TMEM178B: variants seen among roughly 807,000 people sequenced by gnomAD.
The protein encoded by TMEM178B is transmembrane protein 178B.
A neutral mutation model predicts 31.0 loss-of-function variants in TMEM178B; 5 were observed. That is an observed-to-expected ratio of 0.16 (90% CI 0.08 to 0.34). The LOEUF is 0.34. Among genes scored for constraint, TMEM178B ranks in the 10% least tolerant of loss-of-function variants. TMEM178B has a pLI of 1.00. For missense variants in TMEM178B, 275 were observed against 400.3 expected, an observed-to-expected ratio of 0.69 and a Z score of 2.67; for synonymous variants, 164 against 164.0, an observed-to-expected ratio of 1.00 and a Z score of 0.00.
chr7:141,260,727 A>G (rs1252690351), intron 2 of TMEM178B, among the ~76,000 whole-genome samples: 3 of 152,224 alleles, frequency 2.0e-5, no homozygotes, highest in African/African-American at 7.2e-5. Context: ...TAAGTAATTT[A>G]AAAAAACATT....
intron 2 of TMEM178B, among the ~76,000 whole-genome samples, chr7:141,223,405 T>C (rs1407769805): frequency 6.6e-6 from 1 of 152,094 alleles, no homozygotes; most frequent in Non-Finnish European, 1.5e-5. Context: ...TGGAAGGGCC[T>C]CTTCAGATGA....
chr7:141,368,421 A>C (rs990259672), intron 2 of TMEM178B, among the ~76,000 whole-genome samples: 1 of 152,270 alleles, frequency 6.6e-6, no homozygotes. Context: ...TATAAAGTGC[A>C]TAAAGTGTAT....
At chr7:141,306,051 G>A (rs148320805) in intron 2 of TMEM178B, among the ~76,000 whole-genome samples, 137 of 152,262 alleles carry the variant, frequency 9.0e-4, no homozygotes, top group Middle Eastern at 3.4e-3. Context: ...CGTAGCATCC[G>A]GCATGTGCTT....
chr7:141,123,633 G>T (rs1210341802), intron 1 of TMEM178B, among the ~76,000 whole-genome samples: 1 of 152,188 alleles, frequency 6.6e-6, no homozygotes, highest in African/African-American at 2.4e-5. Context: ...CATTGGTAGT[G>T]GGGGAGCTAG....
intron 3 of TMEM178B, among the ~76,000 whole-genome samples, chr7:141,445,650 A>G (rs1801740145): frequency 6.6e-6 from 1 of 152,216 alleles, no homozygotes; most frequent in Non-Finnish European, 1.5e-5. Flanking sequence ...GGGAGGGAGA[A>G]TATATTCAGT....
the TMEM178B span, among the ~76,000 whole-genome samples, chr7:141,504,265 C>A: frequency 1.3e-4 from 20 of 152,266 alleles, no homozygotes; most frequent in Admixed American, 1.3e-3. Flanking sequence ...ATATCAGAGG[C>A]AGACTTGTAT....
intron 2 of TMEM178B, among the ~76,000 whole-genome samples, chr7:141,387,005 G>A (rs1311335389): frequency 6.6e-6 from 1 of 152,188 alleles, no homozygotes; most frequent in Admixed American, 6.5e-5. Context: ...GAATCTGTGG[G>A]CTCTTCCAGG....
intron 3 of TMEM178B, among the ~76,000 whole-genome samples, chr7:141,462,927 G>A (rs1291255325): frequency 7.2e-5 from 11 of 152,062 alleles, no homozygotes; most frequent in Non-Finnish European, 1.5e-4. Flanking sequence ...AGCTTCAGGA[G>A]GGGACAGTCA....
At chr7:141,085,150 ATTTT>A (rs61516388) in intron 1 of TMEM178B, among the ~76,000 whole-genome samples, 12 of 74,536 alleles carry the variant, frequency 1.6e-4, no homozygotes, top group Admixed American at 1.3e-3. Flanking sequence ...GCTAATTTGT[ATTTT>A]TTTTTTTTTT....
chr7:141,234,737 A>C (rs555948632), intron 2 of TMEM178B, among the ~76,000 whole-genome samples: 1 of 152,204 alleles, frequency 6.6e-6, no homozygotes, highest in African/African-American at 2.4e-5. Flanking sequence ...TGCCATCTGC[A>C]CTCTCGTCTA....
chr7:141,295,329 G>T (rs1256944751), intron 2 of TMEM178B, among the ~76,000 whole-genome samples: 1 of 152,176 alleles, frequency 6.6e-6, no homozygotes, highest in Non-Finnish European at 1.5e-5. Context: ...GCAGAGAGGT[G>T]AGGAAAGAGG....
chr7:141,282,254 AC>A (rs1344574391), intron 2 of TMEM178B, among the ~76,000 whole-genome samples: 1 of 152,180 alleles, frequency 6.6e-6, no homozygotes, highest in Admixed American at 6.5e-5. Flanking sequence ...CCTGAAAAAT[AC>A]CCCTGGGTTT....
intron 1 of TMEM178B, among the ~76,000 whole-genome samples, chr7:141,203,556 G>A (rs1284910485): frequency 1.3e-5 from 2 of 152,204 alleles, no homozygotes; most frequent in Non-Finnish European, 2.9e-5. Context: ...CACTGTGGCT[G>A]CAAAAATAAC....
At chr7:141,410,121 T>G (rs1055417954) in intron 2 of TMEM178B, among the ~76,000 whole-genome samples, 2 of 152,208 alleles carry the variant, frequency 1.3e-5, no homozygotes, top group East Asian at 3.9e-4. Context: ...CCTGGAAAAT[T>G]TCCCGATTTC....
chr7:141,373,520 T>C (rs959086815), intron 2 of TMEM178B, among the ~76,000 whole-genome samples: 1 of 152,084 alleles, frequency 6.6e-6, no homozygotes, highest in African/African-American at 2.4e-5. Flanking sequence ...CTGCTCAGAG[T>C]GGGAGGGTGA....
chr7:141,400,066 A>G (rs1014734801), intron 2 of TMEM178B, among the ~76,000 whole-genome samples: 2 of 152,146 alleles, frequency 1.3e-5, no homozygotes, highest in African/African-American at 4.8e-5. Context: ...GATCTCCAGG[A>G]GCCCATGGGT....
Position 141,212,324 on chromosome 7 carries a change from T to A in TMEM178B, c.383-267T>A, listed in dbSNP as rs978199475. Among the ~76,000 whole-genome samples the A allele has an allele frequency of 7.9e-5, 12 of 152,254 alleles. No homozygotes were observed. In the South Asian group the frequency reaches 2.5e-3, roughly 31 times the overall value. On this transcript the variant is annotated intron_variant, in intron 1 of 3. Coordinates refer to ENST00000565468, the MANE Select transcript of TMEM178B (RefSeq NM_001195278.2). ...GCTTGAAAGTTGATTTTCTTGGGAATGTTAGACAAGCTGCTATCAGCCTAA... is the reference window on the plus strand; with the variant it reads ...GCTTGAAAGTTGATTTTCTTGGGAAAGTTAGACAAGCTGCTATCAGCCTAA...
intron 1 of TMEM178B, among the ~76,000 whole-genome samples, chr7:141,188,313 C>A (rs1015870816): frequency 1.3e-5 from 2 of 152,184 alleles, no homozygotes; most frequent in Admixed American, 6.5e-5. Context: ...TATCCAAAAT[C>A]TGAAGACACT....
In TMEM178B at chr7:141,479,201, CCTT is replaced by C. The variant is rs1299271509; in HGVS notation, c.*8418_*8420del. On this transcript the variant is annotated 3_prime_UTR_variant, in exon 4 of 4. Coordinates refer to ENST00000565468, the MANE Select transcript of TMEM178B (RefSeq NM_001195278.2). ...ATATAGTGGGGAAGGGGCAGGCAGG[CCTT>C]CTCTCTGTCAAGAACAAAGATCTCT... 1 of 152,262 alleles carries C rather than the reference CCTT, an allele frequency of 6.6e-6. No homozygotes were observed. Among genetic ancestry groups the C allele is most frequent in the Non-Finnish European group, 1.5e-5 (1 of 68,070 alleles). The allele number at this position is 152,262 out of a possible 1,614,324, so 9.4% of individuals were successfully genotyped here.
Sources: gnomAD v4.1 joint callset for allele counts (sites outside exome capture counted in the v4.1 genomes callset) on GRCh38, gnomAD v4.1.1 for gene constraint, MANE v1.5 for transcripts, NCBI Gene and HGNC (gene_info 2026-07-23, HGNC 2026-07-21) for gene names.